The following SEL1L3 variants were observed in gnomAD, a reference collection of about 807,000 sequenced individuals.
SEL1L3 encodes protein sel-1 homolog 3.
SEL1L3 carries 76 observed loss-of-function variants against 142.8 expected under a neutral mutation model. That is an observed-to-expected ratio of 0.53 (90% CI 0.44 to 0.64). SEL1L3 has a LOEUF of 0.64. Ranked by LOEUF, SEL1L3 falls within the 30% of genes least tolerant of loss-of-function variation. The pLI is 0.00. For synonymous variants in SEL1L3, 504 were observed against 519.6 expected, an observed-to-expected ratio of 0.97 and a Z score of 0.41; for missense variants, 1,262 against 1,381.7, an observed-to-expected ratio of 0.91 and a Z score of 1.37.
the SEL1L3 span, among the ~76,000 whole-genome samples, chr4:25,741,073 C>T: frequency 6.6e-6 from 1 of 151,616 alleles, no homozygotes. Context: ...ACATGAGCCA[C>T]TGCACCTGGC....
chr4:25,752,241 A>C lies in SEL1L3; in HGVS notation c.3260-3677T>G, dbSNP rs1468053535. The stretch of plus-strand genomic sequence containing the variant: ...AGACCAGCACAGCCAACATGGTGAA[A>C]CCCAGTCTCTACTAAAAATACAAAA... On this transcript the variant is annotated intron_variant, in intron 23 of 23. Coordinates refer to ENST00000399878, the MANE Select transcript of SEL1L3 (RefSeq NM_015187.5). 5.3e-5 allele frequency among the ~76,000 whole-genome samples: 8 copies of C among 151,150 alleles called. No individual in the cohort carries two copies. The East Asian group carries it at 1.6e-3, about 29-fold the overall frequency.
intron 6 of SEL1L3, among the ~76,000 whole-genome samples, chr4:25,822,687 G>A (rs1254445143): frequency 6.6e-6 from 1 of 152,320 alleles, no homozygotes; most frequent in South Asian, 2.1e-4. Flanking sequence ...CCAGGTCAGA[G>A]GGTTTGGCCG....
rs528497910 is a variant in SEL1L3 at position 25,756,756 on chromosome 4, C to T, written c.3259+778G>A. On this transcript the variant is annotated intron_variant, in intron 23 of 23. Coordinates refer to ENST00000399878, the MANE Select transcript of SEL1L3 (RefSeq NM_015187.5). The stretch of plus-strand genomic sequence containing the variant: ...CCCACTTTACGATTCCTGCTCAGTC[C>T]CTCCCTCTGAGTCCGTGTGGCCGAG... The T allele has an allele frequency of 5.1e-5, 59 of 1,147,250 alleles. No homozygotes were observed. The African/African-American group carries it at 8.4e-4, about 16-fold the overall frequency. The allele number at this position is 1,147,250 out of a possible 1,614,324, so 71.1% of individuals were successfully genotyped here.
the SEL1L3 span, among the ~76,000 whole-genome samples, chr4:25,724,057 CAG>C: frequency 3.9e-5 from 6 of 152,186 alleles, no homozygotes; most frequent in Non-Finnish European, 8.8e-5. Flanking sequence ...GGTAGGGCCC[CAG>C]AGAGTCACAA....
At chr4:25,800,219 A>C (rs1169364093) in intron 11 of SEL1L3, among the ~76,000 whole-genome samples, 2 of 152,218 alleles carry the variant, frequency 1.3e-5, no homozygotes, top group Non-Finnish European at 2.9e-5. Context: ...CTTCTCATTT[A>C]CTACATTACG....
chr4:25,819,486 T>G (rs1714612858), intron 8 of SEL1L3, among the ~76,000 whole-genome samples: 2 of 152,276 alleles, frequency 1.3e-5, no homozygotes, highest in Admixed American at 1.3e-4. Context: ...TTTTATTTTC[T>G]TAGGCTGGCC....
downstream of SEL1L3, among the ~76,000 whole-genome samples, chr4:25,745,321 G>A (rs1258322408): frequency 6.6e-6 from 1 of 152,084 alleles, no homozygotes; most frequent in African/African-American, 2.4e-5. Context: ...CTTGAGCCTG[G>A]GAGGCAGAGG....
Position 25,819,881 on chromosome 4 carries a change from C to G in SEL1L3, c.1350G>C (p.Arg450Ser). Residue 450 changes from arginine to serine, a missense_variant, in exon 8 of 24, where the codon AGG (arginine) becomes AGC (serine). Around this residue, in one of 3 missense-constraint regions of SEL1L3, gnomAD observed 689 missense variants for 692.8 expected, o/e 0.99. Coordinates refer to ENST00000399878, the MANE Select transcript of SEL1L3 (RefSeq NM_015187.5). ...ATACTATTTCTTGAACCTCAGCACA[C>G]CTTTCATAATATAACTTGATTTGTT... is the stretch of plus-strand genomic sequence containing the variant. ...LAEQIKLYYE[R>S]CAEVQEIVSV... The G allele has an allele frequency of 6.2e-7, 1 of 1,613,272 alleles. No homozygotes were observed. The highest frequency in any genetic ancestry group is 8.5e-7 in the Non-Finnish European group (1 of 1,179,550).
At chr4:25,750,234 C>CAAAAAAAAAAA (rs10718046) in intron 23 of SEL1L3, among the ~76,000 whole-genome samples, 18 of 105,034 alleles carry the variant, frequency 1.7e-4, no homozygotes, top group East Asian at 2.7e-4. Context: ...GACTCCATCT[C>CAAAAAAAAAAA]AAAAAAAAAA....
chr4:25,779,681 G>A (rs1248483273), intron 15 of SEL1L3, among the ~76,000 whole-genome samples: 1 of 152,264 alleles, frequency 6.6e-6, no homozygotes, highest in South Asian at 2.1e-4. Flanking sequence ...GCACACATTT[G>A]CTATGCATAA....
chr4:25,820,449 T>G lies in SEL1L3; in HGVS notation c.1291-509A>C, dbSNP rs80057505. 5.5e-3 allele frequency among the ~76,000 whole-genome samples: 839 copies of G among 152,264 alleles called. 10 individuals are homozygous for G. The highest frequency in any genetic ancestry group is 0.02 in the African/African-American group (811 of 41,556). ...TCCTGCCTCAGCACTCCCAAACACA[T>G]CTGAATTAAAGCATGTACTGTATTC... On this transcript the variant is annotated intron_variant, in intron 7 of 23. Coordinates refer to ENST00000399878, the MANE Select transcript of SEL1L3 (RefSeq NM_015187.5).
rs560180251 is a variant in SEL1L3, at chr4:25,841,433, T to C, written c.733+5861A>G. Among the ~76,000 whole-genome samples the C allele has an allele frequency of 2.6e-5, 4 of 152,338 alleles. No homozygotes were observed. In the South Asian group the frequency reaches 8.3e-4, roughly 32 times the overall value. ...ACACAAAGTGCTTAACACACACAGATTGCTCAGGAACTTTTTTTCAGTGAA... is the reference window on the plus strand; with the variant it reads ...ACACAAAGTGCTTAACACACACAGACTGCTCAGGAACTTTTTTTCAGTGAA... On this transcript the variant is annotated intron_variant, in intron 2 of 23. Coordinates refer to ENST00000399878, the MANE Select transcript of SEL1L3 (RefSeq NM_015187.5).
In SEL1L3 at chr4:25,862,768, G is replaced by A. The variant is rs1421207864; in HGVS notation, c.69C>T (p.Val23=). Residue 23 remains valine (V), a synonymous_variant, in exon 1 of 24, where the codon GTC becomes GTT. Coordinates refer to ENST00000399878, the MANE Select transcript of SEL1L3 (RefSeq NM_015187.5). ...GGACCATGGCTGCGGCCCGGGGGCC[G>A]ACCGCGAGCGGCGGGGGTTGCTGCT... ...QQQQQPPPLA[V]GPRAAAMVPS... The A allele has an allele frequency of 4.2e-6, 5 of 1,202,678 alleles. No homozygotes were observed. The African/African-American group carries it at 6.4e-5, about 15-fold the overall frequency. 74.5% of individuals were successfully genotyped at this position (1,202,678 alleles called of 1,614,324 possible).
intron 6 of SEL1L3, among the ~76,000 whole-genome samples, chr4:25,824,877 A>G (rs1437811813): frequency 6.6e-6 from 1 of 152,190 alleles, no homozygotes; most frequent in Non-Finnish European, 1.5e-5. Flanking sequence ...AAATTGTAAA[A>G]TGTCATGGGA....
At chr4:25,751,360 A>C (rs976546243) in intron 23 of SEL1L3, among the ~76,000 whole-genome samples, 5 of 152,172 alleles carry the variant, frequency 3.3e-5, no homozygotes, top group African/African-American at 9.7e-5. Flanking sequence ...ACTTGGGAGA[A>C]GAAGGGCTAA....
At chr4:25,858,673 C>T (rs1347248468) in intron 1 of SEL1L3, among the ~76,000 whole-genome samples, 1 of 152,078 alleles carries the variant, frequency 6.6e-6, no homozygotes, top group Non-Finnish European at 1.5e-5. Flanking sequence ...GTAACCTCTC[C>T]CTCCTGGGTT....
At position 25,765,355 on chromosome 4, in the gene SEL1L3, C is replaced by T. The variant is rs538501852; in HGVS notation, c.2926G>A (p.Ala976Thr). 1.8e-5 allele frequency: 29 copies of T among 1,613,620 alleles called. No individual in the cohort carries two copies. The highest frequency in any genetic ancestry group is 2.7e-5 in the African/African-American group (2 of 75,008). Residue 976 changes from alanine to threonine, a missense_variant, in exon 20 of 24, where the codon GCC (alanine) becomes ACC (threonine). Physicochemically the swap from Ala to Thr is moderately conservative, Grantham distance 58. Transcript: ENST00000399878. ...QDLELSVQMY[A>T]QAALDGDSQG... is the part of the protein sequence containing the mutation. The stretch of plus-strand genomic sequence containing the variant: ...GAGTCTCCATCCAGGGCGGCTTGGG[C>T]GTACATCTGCACAGACAACTCCAGG...
At chr4:25,752,145 G>A (rs1307081617) in intron 23 of SEL1L3, among the ~76,000 whole-genome samples, 3 of 149,770 alleles carry the variant, frequency 2.0e-5, no homozygotes, top group South Asian at 2.1e-4. Flanking sequence ...GGCAAGGTGC[G>A]GTGGCTAACG....
the SEL1L3 span, chr4:25,720,966 C>T: frequency 6.6e-6 from 1 of 152,168 alleles, no homozygotes; most frequent in South Asian, 2.1e-4. Flanking sequence ...AATTCTGGGA[C>T]CGGGGCTAGA....
Sources: gnomAD v4.1 joint callset for allele counts (sites outside exome capture counted in the v4.1 genomes callset) on GRCh38, gnomAD v4.1.1 for gene constraint, gnomAD v4.1.1 regional missense constraint, MANE v1.5 for transcripts, NCBI Gene and HGNC (gene_info 2026-07-23, HGNC 2026-07-21) for gene names.